The following FGGY variants were observed in gnomAD, a reference collection of about 807,000 sequenced individuals.
The protein encoded by FGGY is FGGY carbohydrate kinase domain-containing protein.
FGGY carries 72 observed loss-of-function variants against 71.3 expected under a neutral mutation model. The ratio of observed to expected loss-of-function variants is 1.01; its 90% CI spans 0.84 to 1.23. The LOEUF (loss-of-function observed/expected upper bound fraction) is 1.23. FGGY is among the 50% of genes most tolerant of loss of function. The pLI is 0.00. For synonymous variants in FGGY, 251 were observed against 250.3 expected (o/e 1.00, Z -0.02); for missense variants, 668 against 682.3 (o/e 0.98, Z 0.23).
intron 6 of FGGY, among the ~76,000 whole-genome samples, chr1:59,481,755 C>T (rs767116173): frequency 5.9e-5 from 9 of 152,094 alleles, no homozygotes; most frequent in Non-Finnish European, 1.3e-4. Flanking sequence ...GCAAGGCCAG[C>T]GGTCTAAGTA....
At chr1:59,450,811 T>G (rs1331609220) in intron 5 of FGGY, among the ~76,000 whole-genome samples, 1 of 152,104 alleles carries the variant, frequency 6.6e-6, no homozygotes, top group East Asian at 1.9e-4. Flanking sequence ...TTGTTAAATA[T>G]TTTTGATCTT....
intron 14 of FGGY, among the ~76,000 whole-genome samples, chr1:59,691,843 A>G (rs2097591668): frequency 6.6e-6 from 1 of 152,086 alleles, no homozygotes; most frequent in Non-Finnish European, 1.5e-5. Context: ...TTTTGGATTC[A>G]AAGATGAAGG....
At chr1:59,716,085 A>G (rs2097844256) in intron 14 of FGGY, among the ~76,000 whole-genome samples, 1 of 152,228 alleles carries the variant, frequency 6.6e-6, no homozygotes, top group Non-Finnish European at 1.5e-5. Flanking sequence ...AGCCAAAGGT[A>G]TTAAAACCTA....
At chr1:59,706,767 A>G (rs1403090501) in intron 14 of FGGY, among the ~76,000 whole-genome samples, 1 of 152,234 alleles carries the variant, frequency 6.6e-6, no homozygotes, top group East Asian at 1.9e-4. Flanking sequence ...CTGTGACCTT[A>G]GACCTAACCT....
chr1:59,618,286 G>T (rs2153832249), intron 9 of FGGY, among the ~76,000 whole-genome samples: 1 of 152,186 alleles, frequency 6.6e-6, no homozygotes, highest in African/African-American at 2.4e-5. Flanking sequence ...ATTAGGATTT[G>T]GTATTTCATC....
chr1:59,424,388 A>C (rs1308387115), intron 5 of FGGY, among the ~76,000 whole-genome samples: 1 of 152,152 alleles, frequency 6.6e-6, no homozygotes, highest in Non-Finnish European at 1.5e-5. Flanking sequence ...CTCTATTAAA[A>C]ATACAAAAAT....
chr1:59,392,049 T>C (rs2060759013), intron 5 of FGGY, among the ~76,000 whole-genome samples: 1 of 152,154 alleles, frequency 6.6e-6, no homozygotes, highest in African/African-American at 2.4e-5. Context: ...AGTTAAATTT[T>C]AAGGGGTACA....
chr1:59,684,001 T>C (rs1463908749), intron 14 of FGGY, among the ~76,000 whole-genome samples: 2 of 152,158 alleles, frequency 1.3e-5, no homozygotes, highest in Non-Finnish European at 2.9e-5. Context: ...GGCTGACAGA[T>C]GACAGTGGAC....
intron 6 of FGGY, among the ~76,000 whole-genome samples, chr1:59,509,018 T>C (rs2094458571): frequency 6.6e-6 from 1 of 152,192 alleles, no homozygotes; most frequent in Admixed American, 6.5e-5. Flanking sequence ...ATCAGAGCCC[T>C]TCTGCCTCTG....
chr1:59,421,745 T>G (rs1045622041), intron 5 of FGGY, among the ~76,000 whole-genome samples: 2 of 152,192 alleles, frequency 1.3e-5, no homozygotes, highest in African/African-American at 4.8e-5. Context: ...CAGATGGGTA[T>G]TGTAGATGTT....
chr1:59,398,985 G>T (rs1407875442), intron 5 of FGGY, among the ~76,000 whole-genome samples: 1 of 152,270 alleles, frequency 6.6e-6, no homozygotes, highest in East Asian at 1.9e-4. Context: ...TGTGGTGATG[G>T]TATTTATTAG....
In FGGY at chr1:59,689,559, T is replaced by TA. The variant is rs77426995; in HGVS notation, c.1512+15437dup. Among the ~76,000 whole-genome samples, 106 of 145,572 alleles carry TA rather than the reference T, an allele frequency of 7.3e-4. 1 individual carries two copies. The highest frequency in any genetic ancestry group is 1.4e-3 in the Admixed American group (21 of 14,574). On this transcript the variant is annotated intron_variant, in intron 14 of 15. Transcript: ENST00000303721. ...ATGTTGCAAGCTGATAGTCTCACTT[T>TA]AAAAAAAAAAACGTTAAGTCCTTCT...
intron 1 of FGGY, among the ~76,000 whole-genome samples, chr1:59,300,006 C>A (rs2042520179): frequency 6.6e-6 from 1 of 152,034 alleles, no homozygotes; most frequent in Admixed American, 6.5e-5. Context: ...CATATTGATT[C>A]TTTGAAGAGA....
chr1:59,527,295 C>T (rs1348466656), intron 7 of FGGY, among the ~76,000 whole-genome samples: 1 of 152,182 alleles, frequency 6.6e-6, no homozygotes, highest in Non-Finnish European at 1.5e-5. Context: ...AAATTATTTG[C>T]TCCCTACTAG....
intron 14 of FGGY, among the ~76,000 whole-genome samples, chr1:59,698,216 A>G (rs992377624): frequency 6.6e-6 from 1 of 152,162 alleles, no homozygotes; most frequent in Non-Finnish European, 1.5e-5. Flanking sequence ...GTCATTTGAA[A>G]GGGGAGAAAG....
At chr1:59,454,775 C>T (rs931938126) in intron 5 of FGGY, among the ~76,000 whole-genome samples, 1 of 152,160 alleles carries the variant, frequency 6.6e-6, no homozygotes, top group East Asian at 1.9e-4. Flanking sequence ...TTCTGTCTCC[C>T]CAATTAAACT....
At chr1:59,318,676 G>A (rs1261292952) in intron 1 of FGGY, 1 of 152,304 alleles carries the variant, frequency 6.6e-6, no homozygotes, top group Non-Finnish European at 1.5e-5. Context: ...GGGCTGGCTG[G>A]AGTAGAGACA....
chr1:59,687,191 G>A (rs920599199), intron 14 of FGGY, among the ~76,000 whole-genome samples: 2 of 152,186 alleles, frequency 1.3e-5, no homozygotes, highest in Non-Finnish European at 2.9e-5. Context: ...TGATGTGCAG[G>A]CAGAAGTCAG....
chr1:59,376,813 G>A (rs1270096958), intron 4 of FGGY, among the ~76,000 whole-genome samples: 3 of 152,138 alleles, frequency 2.0e-5, no homozygotes, highest in Non-Finnish European at 2.9e-5. Context: ...ATAGAAACCA[G>A]GACATGGAAA....
Sources: allele counts gnomAD v4.1 joint callset (sites outside exome capture counted in the v4.1 genomes callset), GRCh38; gene constraint gnomAD v4.1.1; transcripts MANE v1.5; gene names NCBI Gene and HGNC (gene_info 2026-07-23, HGNC 2026-07-21).